OOEP: variants seen among roughly 807,000 people sequenced by gnomAD.
OOEP encodes the protein oocyte-expressed protein homolog.
OOEP carries 16 observed loss-of-function variants against 13.7 expected under a neutral mutation model. The ratio of observed to expected loss-of-function variants is 1.16; its 90% CI spans 0.79 to 1.77. The LOEUF (loss-of-function observed/expected upper bound fraction) is 1.77. Ranked by LOEUF, OOEP falls within the 40% of genes most tolerant of loss-of-function variation. The probability of loss-of-function intolerance (pLI) is 0.00; values close to 1 mark genes in which losing one functional copy is unlikely to be tolerated. For missense variants in OOEP, 195 were observed against 193.1 expected, an observed-to-expected ratio of 1.01 and a Z score of -0.06; for synonymous variants, 89 against 77.1, an observed-to-expected ratio of 1.15 and a Z score of -0.81.
chr6:73,371,227 G>A (rs1027036493), upstream of OOEP, among the ~76,000 whole-genome samples: 1 of 152,156 alleles, frequency 6.6e-6, no homozygotes, highest in Non-Finnish European at 1.5e-5. Flanking sequence ...AATGGTTTCT[G>A]AGAAAACTTG....
chr6:73,389,366 C>A (rs1769316297), intron 2 of OOEP, among the ~76,000 whole-genome samples: 1 of 152,072 alleles, frequency 6.6e-6, no homozygotes, highest in Admixed American at 6.6e-5. Context: ...TTTCTGCCTT[C>A]AGGTCAAAAT....
At chr6:73,381,414 C>T (rs74931287) in intron 2 of OOEP, among the ~76,000 whole-genome samples, 23 of 152,074 alleles carry the variant, frequency 1.5e-4, no homozygotes, top group Non-Finnish European at 2.5e-4. Context: ...TAGAGTAGCC[C>T]GGAGGAAGAG....
intron 2 of OOEP, among the ~76,000 whole-genome samples, chr6:73,386,737 G>A (rs941448762): frequency 1.3e-5 from 2 of 151,772 alleles, no homozygotes; most frequent in African/African-American, 2.4e-5. Flanking sequence ...AGGCCAAGGC[G>A]GGTGGATCAC....
At chr6:73,385,419 A>G (rs920963789) in intron 2 of OOEP, among the ~76,000 whole-genome samples, 1 of 152,064 alleles carries the variant, frequency 6.6e-6, no homozygotes, top group African/African-American at 2.4e-5. Context: ...GATTAAGGGG[A>G]TTTATCCCAG....
At chr6:73,389,339 T>C (rs1769316012) in intron 2 of OOEP, among the ~76,000 whole-genome samples, 1 of 151,962 alleles carries the variant, frequency 6.6e-6, no homozygotes, top group Non-Finnish European at 1.5e-5. Flanking sequence ...GAGGCAAAAA[T>C]GCAAGCTTGT....
chr6:73,372,835 G>A (rs546563175), upstream of OOEP, among the ~76,000 whole-genome samples: 8 of 152,116 alleles, frequency 5.3e-5, no homozygotes, highest in African/African-American at 9.6e-5. Context: ...ATGGGAAAGC[G>A]GCCAGAGCAA....
At chr6:73,382,273 A>G (rs1289641099) in intron 2 of OOEP, among the ~76,000 whole-genome samples, 2 of 129,012 alleles carry the variant, frequency 1.6e-5, no homozygotes, top group Admixed American at 9.5e-5. Flanking sequence ...GCTGGAGTGT[A>G]GTGGCGTGAT....
intron 2 of OOEP, among the ~76,000 whole-genome samples, chr6:73,383,733 T>A (rs2150782119): frequency 6.6e-6 from 1 of 152,132 alleles, no homozygotes; most frequent in Admixed American, 6.6e-5. Flanking sequence ...ACTGGGTTCT[T>A]TAAAAAGATA....
chr6:73,386,188 G>A (rs138452248), intron 2 of OOEP, among the ~76,000 whole-genome samples: 5,022 of 151,030 alleles, frequency 0.033, 318 homozygotes, highest in East Asian at 0.16. Context: ...TCTGCCTCCC[G>A]GGTTCAAGCG....
At chr6:73,381,205 T>TAAAAAAAAAAAAAAAAAA (rs66507015) in intron 2 of OOEP, among the ~76,000 whole-genome samples, 4 of 100,968 alleles carry the variant, frequency 4.0e-5, no homozygotes, top group Admixed American at 1.1e-4. Flanking sequence ...AAAAAAGTGT[T>TAAAAAAAAAAAAAAAAAA]AAAAAAAAAA....
upstream of OOEP, among the ~76,000 whole-genome samples, chr6:73,372,632 G>A (rs1281464881): frequency 5.3e-5 from 8 of 152,292 alleles, 1 homozygote; most frequent in South Asian, 4.1e-4. Flanking sequence ...AGTCAGTCAC[G>A]TGGGCCTCCT....
upstream of OOEP, chr6:73,369,999 C>T (rs1270381092): frequency 6.9e-6 from 4 of 575,700 alleles, no homozygotes; most frequent in South Asian, 4.3e-5. Context: ...CTTCAATCGC[C>T]GGGATTGCCT....
intron 2 of OOEP, among the ~76,000 whole-genome samples, chr6:73,386,017 T>C (rs1248473070): frequency 6.6e-6 from 1 of 152,054 alleles, no homozygotes; most frequent in Non-Finnish European, 1.5e-5. Flanking sequence ...AACATTGTAC[T>C]GGAGGTTCTA....
chr6:73,371,367 C>T (rs949347938), upstream of OOEP, among the ~76,000 whole-genome samples: 8 of 152,038 alleles, frequency 5.3e-5, no homozygotes, highest in African/African-American at 1.9e-4. Context: ...CTTCGGGAGG[C>T]CAAGGCAGGA....
chr6:73,392,651 G>C (rs1042974328), intron 2 of OOEP, among the ~76,000 whole-genome samples: 2 of 81,460 alleles, frequency 2.5e-5, no homozygotes, highest in Admixed American at 1.9e-4. Flanking sequence ...TTTTTTTTGA[G>C]ATGGAGTCTC....
chr6:73,389,124 G>A (rs1236320675), intron 2 of OOEP, among the ~76,000 whole-genome samples: 1 of 152,216 alleles, frequency 6.6e-6, no homozygotes, highest in African/African-American at 2.4e-5. Flanking sequence ...ATGCAGACCC[G>A]GGAGCTTTGA....
At chr6:73,393,056 C>T (rs1291978282) in intron 2 of OOEP, among the ~76,000 whole-genome samples, 13 of 151,728 alleles carry the variant, frequency 8.6e-5, no homozygotes, top group Non-Finnish European at 1.5e-4. Flanking sequence ...CCATGAGCCA[C>T]ACCATGCCTG....
At chr6:73,372,749 C>CT (rs1279290215), upstream of OOEP, among the ~76,000 whole-genome samples, 1 of 152,102 alleles carries the variant, frequency 6.6e-6, no homozygotes, top group Non-Finnish European at 1.5e-5. Context: ...TAATAGAACA[C>CT]TTTTCCCGCC....
At chr6:73,394,775 G>C in exon 1 of OOEP, 4 of 1,347,064 alleles carry the variant, frequency 3.0e-6, no homozygotes, top group Non-Finnish European at 4.0e-6. Context: ...GCGTGGGCGG[G>C]GGGGCTAGCC....
Sources: allele counts gnomAD v4.1 joint callset (sites outside exome capture counted in the v4.1 genomes callset), GRCh38; gene constraint gnomAD v4.1.1; transcripts MANE v1.5; gene names NCBI Gene and HGNC (gene_info 2026-07-23, HGNC 2026-07-21).